The following MARK1 variants were observed in gnomAD, a reference collection of about 807,000 sequenced individuals.
MARK1 encodes microtubule affinity regulating kinase 1.
A neutral mutation model predicts 96.3 loss-of-function variants in MARK1; 40 were observed. The observed-to-expected ratio is 0.42, with a 90% CI of 0.32 to 0.54. The LOEUF is 0.54. MARK1 is among the 20% of genes least tolerant of loss of function. MARK1 has a pLI of 0.16. For missense variants in MARK1, 719 were observed against 984.6 expected (o/e 0.73, Z 3.61); for synonymous variants, 317 against 341.2 (o/e 0.93, Z 0.78).
chr1:220,616,887 A>G (rs1167235184), intron 7 of MARK1, among the ~76,000 whole-genome samples: 1 of 152,194 alleles, frequency 6.6e-6, no homozygotes, highest in Non-Finnish European at 1.5e-5. Context: ...TCTTATATGA[A>G]AAAAATCTGC....
At chr1:220,583,023 C>A (rs1346533296) in intron 3 of MARK1, among the ~76,000 whole-genome samples, 3 of 152,138 alleles carry the variant, frequency 2.0e-5, no homozygotes, top group Non-Finnish European at 4.4e-5. Context: ...GTGTTTAGAA[C>A]ATTCAGCATT....
chr1:220,626,837 G>T, intron 9 of MARK1: 1 of 391,952 alleles, frequency 2.6e-6, no homozygotes. Flanking sequence ...AAAAAAAAGG[G>T]TTGAGGGGGG....
At chr1:220,565,443 C>T (rs2102790963) in intron 1 of MARK1, among the ~76,000 whole-genome samples, 1 of 152,164 alleles carries the variant, frequency 6.6e-6, no homozygotes. Context: ...GTTGAAGTTG[C>T]CGTCATTGTT....
chr1:220,651,887 A>T, intron 14 of MARK1, 99 bp from the exon 15 acceptor site: 4 of 832,732 alleles, frequency 4.8e-6, no homozygotes, highest in Non-Finnish European at 3.6e-6. Context: ...GAAAGGTGTT[A>T]GTCAGTTTAG....
At chr1:220,572,203 G>T (rs1663516873) in intron 1 of MARK1, among the ~76,000 whole-genome samples, 1 of 152,090 alleles carries the variant, frequency 6.6e-6, no homozygotes, top group Non-Finnish European at 1.5e-5. Context: ...ACTTGATAGT[G>T]TTGTTCAGAT....
At chr1:220,588,346 T>C (rs1396583979) in intron 3 of MARK1, among the ~76,000 whole-genome samples, 1 of 152,222 alleles carries the variant, frequency 6.6e-6, no homozygotes, top group East Asian at 1.9e-4. Context: ...AAGAATCTTA[T>C]AATCTACCTA....
Position 220,664,076 on chromosome 1 carries a change from CAAG to C in MARK1, c.*1913_*1915del, listed in dbSNP as rs1669619977. The C allele has an allele frequency of 6.6e-6, 1 of 152,294 alleles. No individual in the cohort carries two copies. The highest frequency in any genetic ancestry group is 1.5e-5 in the Non-Finnish European group (1 of 68,004). 9.4% of individuals were successfully genotyped at this position (152,294 alleles called of 1,614,324 possible). On this transcript the variant is annotated 3_prime_UTR_variant, in exon 18 of 18. Transcript: ENST00000366917. ...CTATGAAGGTTTCTTGTCATTATGA[CAAG>C]AAAGTTTAATCTTTTTATAGGAATT...
rs918447834 is a variant in MARK1 at position 220,661,764 on chromosome 1, T to C, written c.2034-48T>C. ...TTTATGTGTGTTTTGATCTCTTTGCTGAGTGAAATATTTGCTTTCATTCTT... is the reference window on the plus strand; with the variant it reads ...TTTATGTGTGTTTTGATCTCTTTGCCGAGTGAAATATTTGCTTTCATTCTT... On this transcript the variant is annotated intron_variant, in intron 17 of 17. Coordinates refer to ENST00000366917, the MANE Select transcript of MARK1 (RefSeq NM_018650.5). 11 of 1,371,114 alleles carry C rather than the reference T, an allele frequency of 8.0e-6. No individual in the cohort carries two copies. In the African/African-American group the frequency reaches 1.6e-4, roughly 20 times the overall value. 84.9% of individuals were successfully genotyped at this position (1,371,114 alleles called of 1,614,324 possible).
intron 13 of MARK1, among the ~76,000 whole-genome samples, chr1:220,650,034 G>A (rs1164335737): frequency 6.6e-6 from 1 of 152,142 alleles, no homozygotes; most frequent in East Asian, 1.9e-4. Flanking sequence ...GACTTGGCCT[G>A]CCTTCTAGCT....
rs545901941 is a variant in MARK1 at position 220,631,758 on chromosome 1, A to G, written c.1010-443A>G. On this transcript the variant is annotated intron_variant, in intron 10 of 17. Coordinates refer to ENST00000366917, the MANE Select transcript of MARK1 (RefSeq NM_018650.5). ...TGTTAGGAACCTGATCAGAAAAACCATGGAAATTCAAATCTCCCAAAGAAG... is the reference window on the plus strand; with the variant it reads ...TGTTAGGAACCTGATCAGAAAAACCGTGGAAATTCAAATCTCCCAAAGAAG... Among the ~76,000 whole-genome samples the G allele has an allele frequency of 6.6e-5, 10 of 152,292 alleles. No individual in the cohort carries two copies. In the South Asian group the frequency reaches 1.0e-3, roughly 16 times the overall value.
At chr1:220,599,280 T>G (rs1293791568) in intron 4 of MARK1, among the ~76,000 whole-genome samples, 3 of 152,152 alleles carry the variant, frequency 2.0e-5, no homozygotes, top group Admixed American at 2.0e-4. Context: ...TTTTGCACAT[T>G]TAAAAATCTT....
intron 9 of MARK1, among the ~76,000 whole-genome samples, chr1:220,619,302 G>T (rs1428962789): frequency 6.6e-6 from 1 of 152,068 alleles, no homozygotes; most frequent in Non-Finnish European, 1.5e-5. Context: ...GTGAAACCCT[G>T]TCTGTACTAA....
rs1660106524 is a variant in MARK1 at position 220,528,899 on chromosome 1, A to G, written c.51+26A>G. 11 of 1,551,298 alleles carry G rather than the reference A, an allele frequency of 7.1e-6. No homozygotes were observed. In the East Asian group the frequency reaches 2.0e-4, roughly 28 times the overall value. ...GTGAGTAACCGGAGCCTCCCTCGGG[A>G]GCAGTGGGGGCGAGACCCTCCTCTG... On this transcript the variant is annotated intron_variant, in intron 1 of 17. Transcript: ENST00000366917.
intron 1 of MARK1, among the ~76,000 whole-genome samples, chr1:220,560,260 G>A (rs1453174939): frequency 1.3e-5 from 2 of 152,158 alleles, no homozygotes; most frequent in East Asian, 1.9e-4. Flanking sequence ...TGAGATTTGG[G>A]TGGGGCCACA....
At chr1:220,594,518 G>T (rs1665198805) in intron 3 of MARK1, among the ~76,000 whole-genome samples, 1 of 152,070 alleles carries the variant, frequency 6.6e-6, no homozygotes, top group African/African-American at 2.4e-5. Context: ...TGCATTCCTT[G>T]GTATTTACCC....
chr1:220,631,414 A>G (rs1667673757), intron 10 of MARK1, among the ~76,000 whole-genome samples: 1 of 152,208 alleles, frequency 6.6e-6, no homozygotes, highest in Admixed American at 6.5e-5. Context: ...AGCAGGAGGA[A>G]TGGCTGATGT....
intron 9 of MARK1, among the ~76,000 whole-genome samples, chr1:220,625,282 GAGA>G (rs1667263339): frequency 6.6e-6 from 1 of 152,202 alleles, no homozygotes; most frequent in Non-Finnish European, 1.5e-5. Context: ...GGGAGCACAG[GAGA>G]AGGACAGATG....
intron 11 of MARK1, among the ~76,000 whole-genome samples, chr1:220,633,803 G>T (rs1253236248): frequency 6.6e-6 from 1 of 152,222 alleles, no homozygotes; most frequent in Non-Finnish European, 1.5e-5. Context: ...GATAGGAAAG[G>T]TACAGATTTC....
intron 6 of MARK1, among the ~76,000 whole-genome samples, chr1:220,613,059 C>T (rs187597365): frequency 3.3e-4 from 50 of 152,294 alleles, no homozygotes; most frequent in African/African-American, 1.2e-3. Flanking sequence ...CGTCAGTACC[C>T]AGCTGACAGT....
Sources: gnomAD v4.1 joint callset for allele counts (sites outside exome capture counted in the v4.1 genomes callset) on GRCh38, gnomAD v4.1.1 for gene constraint, MANE v1.5 for transcripts, NCBI Gene and HGNC (gene_info 2026-07-23, HGNC 2026-07-21) for gene names.